The following OCA2 variants were observed in gnomAD, a reference collection of about 807,000 sequenced individuals.
The protein encoded by OCA2 is P protein.
A neutral mutation model predicts 100.2 loss-of-function variants in OCA2; 77 were observed. The ratio of observed to expected loss-of-function variants is 0.77; its 90% CI spans 0.64 to 0.93. OCA2 has a LOEUF of 0.93. Among genes scored for constraint, OCA2 ranks in the 40% least tolerant of loss-of-function variants. The pLI is 0.00. For missense variants in OCA2, 1,062 were observed against 1,089.1 expected (o/e 0.98, Z 0.35); for synonymous variants, 432 against 439.2 (o/e 0.98, Z 0.21).
At chr15:27,819,252 GA>G (rs1431790638) in intron 23 of OCA2, among the ~76,000 whole-genome samples, 3 of 152,322 alleles carry the variant, frequency 2.0e-5, no homozygotes, top group African/African-American at 7.2e-5. Context: ...CAAAGCAGCA[GA>G]AATAGAAGCA....
intron 14 of OCA2, among the ~76,000 whole-genome samples, chr15:27,971,702 G>A (rs550853456): frequency 2.6e-5 from 4 of 152,272 alleles, no homozygotes; most frequent in South Asian, 2.1e-4. Context: ...ACTTCCTGTC[G>A]TTTCTGCCCA....
intron 23 of OCA2, among the ~76,000 whole-genome samples, chr15:27,827,826 G>A (rs1010968656): frequency 5.3e-5 from 8 of 152,094 alleles, no homozygotes; most frequent in South Asian, 4.2e-4. Context: ...ATGTAAATTC[G>A]AATTTCTGAA....
chr15:28,094,490 C>T (rs2044932134), intron 1 of OCA2, among the ~76,000 whole-genome samples: 4 of 152,134 alleles, frequency 2.6e-5, no homozygotes. Flanking sequence ...CGCCCAGGAC[C>T]CTCCTTCCAA....
At chr15:27,960,401 T>G (rs1282304087) in intron 15 of OCA2, among the ~76,000 whole-genome samples, 5 of 152,198 alleles carry the variant, frequency 3.3e-5, no homozygotes, top group Admixed American at 6.5e-5. Flanking sequence ...GCTAGGGTAG[T>G]GTGAGCCTCA....
intron 18 of OCA2, among the ~76,000 whole-genome samples, chr15:27,944,173 T>C (rs1334956185): frequency 6.6e-6 from 1 of 152,226 alleles, no homozygotes; most frequent in African/African-American, 2.4e-5. Flanking sequence ...AGCTGTGTAG[T>C]CCTTGCTGGC....
chr15:28,015,509 T>C (rs1217806795), intron 8 of OCA2, among the ~76,000 whole-genome samples: 1 of 151,946 alleles, frequency 6.6e-6, no homozygotes, highest in Non-Finnish European at 1.5e-5. Flanking sequence ...GTGAAGAAGG[T>C]TAAATGAGGT....
chr15:27,903,639 C>T (rs921651281), intron 19 of OCA2, among the ~76,000 whole-genome samples: 1 of 152,196 alleles, frequency 6.6e-6, no homozygotes, highest in Non-Finnish European at 1.5e-5. Context: ...CCCCCAGGAG[C>T]GGGTCCCTGC....
Position 27,897,379 on chromosome 15 carries a change from CTGCTCTG to C in OCA2, c.2080-25464_2080-25458del, listed in dbSNP as rs1368103397. Among the ~76,000 whole-genome samples the C allele has an allele frequency of 2.0e-5, 3 of 152,010 alleles. No individual in the cohort carries two copies. In the East Asian group the frequency reaches 5.8e-4, roughly 29 times the overall value. ...TTCCTGGGTCGGGCCCAGCACCTCC[CTGCTCTG>C]TGCAGCCCAGGGACTTGGTGCCCTG... On this transcript the variant is annotated intron_variant, in intron 19 of 23. Transcript: ENST00000354638.
chr15:27,826,192 A>C (rs1328905787), intron 23 of OCA2, among the ~76,000 whole-genome samples: 1 of 152,212 alleles, frequency 6.6e-6, no homozygotes, highest in African/African-American at 2.4e-5. Flanking sequence ...AAACTTCCCC[A>C]GGCGCCCTGT....
the OCA2 span, among the ~76,000 whole-genome samples, chr15:27,729,911 G>A: frequency 7.7e-4 from 117 of 152,264 alleles, no homozygotes; most frequent in African/African-American, 2.6e-3. Flanking sequence ...TAGTGTACTC[G>A]TGACATTTCT....
intron 9 of OCA2, among the ~76,000 whole-genome samples, chr15:28,006,554 T>A (rs1180950426): frequency 6.6e-6 from 1 of 152,214 alleles, no homozygotes; most frequent in Non-Finnish European, 1.5e-5. Flanking sequence ...ACTGCAAAAG[T>A]GTCTCTGCAA....
At chr15:28,040,546 G>T (rs982851165) in intron 2 of OCA2, among the ~76,000 whole-genome samples, 8 of 152,208 alleles carry the variant, frequency 5.3e-5, no homozygotes, top group African/African-American at 1.7e-4. Flanking sequence ...GAAAATTAAT[G>T]AGACCAAAAG....
intron 19 of OCA2, among the ~76,000 whole-genome samples, chr15:27,889,903 T>G (rs1169354126): frequency 6.6e-6 from 1 of 152,118 alleles, no homozygotes; most frequent in Non-Finnish European, 1.5e-5. Context: ...GATACCCAGA[T>G]CTCTGGAGCT....
At chr15:27,805,059 G>C (rs2033772487) in intron 23 of OCA2, among the ~76,000 whole-genome samples, 1 of 152,212 alleles carries the variant, frequency 6.6e-6, no homozygotes, top group Non-Finnish European at 1.5e-5. Context: ...AGAAGCCCCT[G>C]CAAGGGAGGC....
intron 2 of OCA2, among the ~76,000 whole-genome samples, chr15:28,073,189 G>T (rs571454351): frequency 6.6e-6 from 1 of 152,146 alleles, no homozygotes; most frequent in Non-Finnish European, 1.5e-5. Flanking sequence ...GGAGGTGGGC[G>T]GATCACCTGA....
rs796864960 is a variant in OCA2 at position 27,821,730 on chromosome 15, T to C, written c.2432+23229A>G. On this transcript the variant is annotated intron_variant, in intron 23 of 23. Coordinates refer to ENST00000354638, the MANE Select transcript of OCA2 (RefSeq NM_000275.3). ...CATAATACACATGCAGGCACACTCATACATGCATACATATAAGCTCGCATA... is the reference window on the plus strand; with the variant it reads ...CATAATACACATGCAGGCACACTCACACATGCATACATATAAGCTCGCATA... Among the ~76,000 whole-genome samples the C allele has an allele frequency of 3.8e-4, 58 of 152,144 alleles. 1 individual carries two copies. The highest frequency in any genetic ancestry group is 1.4e-3 in the African/African-American group (56 of 41,480).
At chr15:27,987,591 G>A in intron 11 of OCA2, among the ~76,000 whole-genome samples, 1 of 151,374 alleles carries the variant, frequency 6.6e-6, no homozygotes, top group South Asian at 2.1e-4. Flanking sequence ...TAGCTGGGTG[G>A]GGTGGCGGGC....
In OCA2 at chr15:27,921,002, T is replaced by TA. The variant is rs1463828322; in HGVS notation, c.2079+5124_2079+5125insT. Among the ~76,000 whole-genome samples the TA allele has an allele frequency of 6.7e-5, 10 of 148,580 alleles. No homozygotes were observed. In the East Asian group the frequency reaches 1.2e-3, roughly 17 times the overall value. The stretch of plus-strand genomic sequence containing the variant: ...CAGAAAAGGAAGAGAATAATTTTTT[T>TA]TAAAAAAAGAGAGAATAATATATGT... On this transcript the variant is annotated intron_variant, in intron 19 of 23. Transcript: ENST00000354638.
At chr15:27,935,768 T>C (rs1254765917) in intron 18 of OCA2, among the ~76,000 whole-genome samples, 2 of 152,274 alleles carry the variant, frequency 1.3e-5, no homozygotes, top group African/African-American at 2.4e-5. Flanking sequence ...ATTGGATGAA[T>C]ATACTGAGAA....
Sources: gnomAD v4.1 joint callset for allele counts (sites outside exome capture counted in the v4.1 genomes callset) on GRCh38, gnomAD v4.1.1 for gene constraint, MANE v1.5 for transcripts, NCBI Gene and HGNC (gene_info 2026-07-23, HGNC 2026-07-21) for gene names.